Variants in RBM33 observed in about 807,000 individuals in gnomAD.
RBM33 encodes RNA-binding protein 33.
Under a neutral mutation model 132.6 loss-of-function variants are expected in RBM33, and 28 were observed. The observed-to-expected ratio is 0.21, with a 90% CI of 0.16 to 0.29. RBM33 has a LOEUF of 0.29. Ranked by LOEUF, RBM33 falls within the 10% of genes least tolerant of loss-of-function variation. The pLI is 1.00. For missense variants in RBM33, 1,291 were observed against 1,518.5 expected (o/e 0.85, Z 2.49); for synonymous variants, 634 against 593.0 (o/e 1.07, Z -1.01).
Position 155,718,446 on chromosome 7 carries a change from G to A in RBM33, c.1260+3G>A. ...CCGTGGGACCCCAGAGATTCCCAGT[G>A]AGTAGCAGCTGCTCCTTCTCCTTTG... On this transcript the variant is annotated splice_donor_region_variant and intron_variant, in intron 9 of 17. Transcript: ENST00000401878. 1 of 1,613,306 alleles carries A rather than the reference G, an allele frequency of 6.2e-7. No individual in the cohort carries two copies. Among genetic ancestry groups the A allele is most frequent in the South Asian group, 1.1e-5 (1 of 91,048 alleles).
Position 155,777,104 on chromosome 7 carries a change from A to AG in RBM33, c.*2063_*2064insG, listed in dbSNP as rs1802639132. The AG allele has an allele frequency of 6.6e-6, 1 of 152,580 alleles. No individual in the cohort carries two copies. Among genetic ancestry groups the AG allele is most frequent in the African/African-American group, 2.4e-5 (1 of 41,418 alleles). 9.5% of individuals were successfully genotyped at this position (152,580 alleles called of 1,614,324 possible). A position where few individuals can be genotyped will look rare whatever the true frequency, so the allele number is the denominator to read the frequency against. On this transcript the variant is annotated 3_prime_UTR_variant, in exon 18 of 18. Transcript: ENST00000401878. ...GAGTGTGCTGTGTTTAAAACCAAAAATATGCATGTTGTCTCTGAAAAGTAG... is the reference window on the plus strand; with the variant it reads ...GAGTGTGCTGTGTTTAAAACCAAAAAGTATGCATGTTGTCTCTGAAAAGTAG...
In RBM33 at chr7:155,665,289, C is replaced by G. The variant is rs1798771287; in HGVS notation, c.122+36C>G. ...CCTGTGCTTCACCTAACTGCCTGTGCCGATCTCTCTCATTCTGACACTTGG... is the reference window on the plus strand; with the variant it reads ...CCTGTGCTTCACCTAACTGCCTGTGGCGATCTCTCTCATTCTGACACTTGG... On this transcript the variant is annotated intron_variant, in intron 2 of 17. Transcript: ENST00000401878. 2.5e-6 allele frequency: 4 copies of G among 1,574,938 alleles called. No individual in the cohort carries two copies. The African/African-American group carries it at 5.4e-5, about 21-fold the overall frequency.
At chr7:155,716,730 T>C (rs1800474040) in intron 8 of RBM33, among the ~76,000 whole-genome samples, 1 of 152,204 alleles carries the variant, frequency 6.6e-6, no homozygotes, top group African/African-American at 2.4e-5. Context: ...TCACTTTAGA[T>C]ATGGAATTGA....
At chr7:155,656,086 T>C (rs1798484269) in intron 1 of RBM33, among the ~76,000 whole-genome samples, 1 of 152,206 alleles carries the variant, frequency 6.6e-6, no homozygotes, top group Non-Finnish European at 1.5e-5. Flanking sequence ...TGGACATTAT[T>C]TGTTGCCAAT....
At chr7:155,764,584 G>C (rs1265070714) in intron 15 of RBM33, among the ~76,000 whole-genome samples, 1 of 152,222 alleles carries the variant, frequency 6.6e-6, no homozygotes, top group Non-Finnish European at 1.5e-5. Flanking sequence ...TGGAGTGGCC[G>C]TCTGTGCACT....
chr7:155,645,664 C>T (rs963410584), intron 1 of RBM33, among the ~76,000 whole-genome samples: 2 of 152,126 alleles, frequency 1.3e-5, no homozygotes, highest in Admixed American at 6.5e-5. Flanking sequence ...TTACATATCA[C>T]TGGGGGTTTT....
rs1802716652 is a variant in RBM33 at position 155,778,970 on chromosome 7, C to T, written c.*3929C>T. 6.7e-6 allele frequency: 1 copy of T among 149,868 alleles called. No individual in the cohort carries two copies. Among genetic ancestry groups the T allele is most frequent in the Admixed American group, 6.6e-5 (1 of 15,172 alleles). The allele number at this position is 149,868 out of a possible 1,614,324, so 9.3% of individuals were successfully genotyped here. Reference sequence around the variant, plus strand: ...TCTAGTCCCTGCGGCTGTTCCCCTCCTCTGCTCTCTCCCTGGAGAGGACTG... The same window carrying T: ...TCTAGTCCCTGCGGCTGTTCCCCTCTTCTGCTCTCTCCCTGGAGAGGACTG... On this transcript the variant is annotated 3_prime_UTR_variant, in exon 18 of 18. Transcript: ENST00000401878. This position sits in a 1 kb window ranked among gnomAD's most constrained non-coding sequence, Gnocchi z 4.0.
rs1350698763 is a variant in RBM33 at position 155,712,721 on chromosome 7, G to C, written c.1201+1266G>C. Among the ~76,000 whole-genome samples the C allele has an allele frequency of 2.6e-5, 4 of 152,226 alleles. No individual in the cohort carries two copies. The East Asian group carries it at 7.7e-4, about 29-fold the overall frequency. On this transcript the variant is annotated intron_variant, in intron 8 of 17. Coordinates refer to ENST00000401878, the MANE Select transcript of RBM33 (RefSeq NM_053043.3). Reference sequence around the variant, plus strand: ...AGGAGAGACCCTGCCTTGTGTGTTTGAGTAGCCAAAAGGAGACCAGCGTGA... The same window carrying C: ...AGGAGAGACCCTGCCTTGTGTGTTTCAGTAGCCAAAAGGAGACCAGCGTGA...
In RBM33 at chr7:155,727,632, A is replaced by C. The variant is rs192124495; in HGVS notation, c.1260+9189A>C. ...CAGTGAGCAGCTTTTGGGATCTTAA[A>C]GCTTAAACGTTAAAAAAATTATTTA... On this transcript the variant is annotated intron_variant, in intron 9 of 17. Transcript: ENST00000401878. Among the ~76,000 whole-genome samples, 5 of 152,370 alleles carry C rather than the reference A, an allele frequency of 3.3e-5. No homozygotes were observed. In the East Asian group the frequency reaches 9.6e-4, roughly 29 times the overall value.
chr7:155,654,312 G>GCTAA (rs1798434774), intron 1 of RBM33, among the ~76,000 whole-genome samples: 1 of 151,946 alleles, frequency 6.6e-6, no homozygotes, highest in Non-Finnish European at 1.5e-5. Flanking sequence ...TCACCGTGAT[G>GCTAA]CTAACCACAT....
chr7:155,745,670 A>T lies in RBM33; in HGVS notation c.2979+68A>T. The stretch of plus-strand genomic sequence containing the variant: ...TCACATAGAATGTCCTCATTTGCAG[A>T]GAATGTTTTTGAAGAAAGAATTAAA... On this transcript the variant is annotated intron_variant, in intron 14 of 17. Transcript: ENST00000401878. The surrounding 1 kb of genome is among the most constrained non-coding windows in gnomAD (Gnocchi z 4.1). 7.2e-7 allele frequency: 1 copy of T among 1,379,610 alleles called. No individual in the cohort carries two copies. The highest frequency in any genetic ancestry group is 9.7e-7 in the Non-Finnish European group (1 of 1,030,416). The allele number at this position is 1,379,610 out of a possible 1,614,324, so 85.5% of individuals were successfully genotyped here.
intron 9 of RBM33, among the ~76,000 whole-genome samples, chr7:155,732,751 G>C (rs776030621): frequency 3.6e-4 from 55 of 152,350 alleles, no homozygotes; most frequent in Middle Eastern, 3.4e-3. Flanking sequence ...AGGATGCCGA[G>C]GGCCTTGCAG....
intron 2 of RBM33, among the ~76,000 whole-genome samples, chr7:155,668,749 G>A (rs915204341): frequency 6.6e-6 from 1 of 152,186 alleles, no homozygotes; most frequent in African/African-American, 2.4e-5. Context: ...CCTAGCACTT[G>A]CAGGGATGAG....
chr7:155,726,192 T>C (rs1331573750), intron 9 of RBM33, among the ~76,000 whole-genome samples: 1 of 152,212 alleles, frequency 6.6e-6, no homozygotes, highest in Non-Finnish European at 1.5e-5. Flanking sequence ...TATTGAAAGA[T>C]TCATGAAGTT....
At chr7:155,649,806 A>T (rs1262198500) in intron 1 of RBM33, among the ~76,000 whole-genome samples, 1 of 152,188 alleles carries the variant, frequency 6.6e-6, no homozygotes, top group Non-Finnish European at 1.5e-5. Flanking sequence ...CAAAACCAAA[A>T]CCAAAAAACA....
Position 155,700,670 on chromosome 7 carries a change from C to T in RBM33, c.568-103C>T, listed in dbSNP as rs537964718. 4 of 717,968 alleles carry T rather than the reference C, an allele frequency of 5.6e-6. No individual in the cohort carries two copies. In the Admixed American group the frequency reaches 1.1e-4, roughly 20 times the overall value. 44.5% of individuals were successfully genotyped at this position (717,968 alleles called of 1,614,324 possible). A position where few individuals can be genotyped will look rare whatever the true frequency, so the allele number is the denominator to read the frequency against. ...ACAGGACATTTTGCAGTATTTTTTACATCTGAAATATAAACAATTAAATAT... is the reference window on the plus strand; with the variant it reads ...ACAGGACATTTTGCAGTATTTTTTATATCTGAAATATAAACAATTAAATAT... On this transcript the variant is annotated intron_variant, in intron 5 of 17. Transcript: ENST00000401878.
intron 16 of RBM33, among the ~76,000 whole-genome samples, chr7:155,769,106 G>A (rs137886077): frequency 1.8e-4 from 27 of 152,294 alleles, no homozygotes; most frequent in Middle Eastern, 3.4e-3. Flanking sequence ...AGAAGATTTC[G>A]TAGAAATGTC....
Position 155,748,350 on chromosome 7 carries a change from C to T in RBM33, c.2979+2748C>T, listed in dbSNP as rs566564402. ...GCATTCAGCAGTCTCCTATTCTTCA[C>T]GTCTCTAGACAGGATAGCAAACTAT... On this transcript the variant is annotated intron_variant, in intron 14 of 17. Coordinates refer to ENST00000401878, the MANE Select transcript of RBM33 (RefSeq NM_053043.3). 7.9e-5 allele frequency among the ~76,000 whole-genome samples: 12 copies of T among 152,364 alleles called. 1 individual carries two copies. The highest frequency in any genetic ancestry group is 6.8e-3 in the Middle Eastern group (2 of 294).
Position 155,692,693 on chromosome 7 carries a change from T to G in RBM33, c.568-8080T>G, listed in dbSNP as rs560187368. ...AGTCTTAGCTTTCTTACAGCTTCCG[T>G]GAAATGGTGGCCAACTAACTTGTTA... On this transcript the variant is annotated intron_variant, in intron 5 of 17. Transcript: ENST00000401878. Among the ~76,000 whole-genome samples the G allele has an allele frequency of 3.3e-5, 5 of 152,312 alleles. No individual in the cohort carries two copies. The East Asian group carries it at 9.6e-4, about 29-fold the overall frequency.
Sources: gnomAD v4.1 joint callset for allele counts (sites outside exome capture counted in the v4.1 genomes callset) on GRCh38, gnomAD v4.1.1 for gene constraint, Gnocchi (gnomAD v3.1) non-coding constraint, MANE v1.5 for transcripts, NCBI Gene and HGNC (gene_info 2026-07-23, HGNC 2026-07-21) for gene names.